Variants in MEGF10 observed in about 807,000 individuals in gnomAD.
MEGF10 encodes multiple EGF like domains 10, also known as multiple epidermal growth factor-like domains protein 10.
Under a neutral mutation model 147.5 loss-of-function variants are expected in MEGF10, and 86 were observed. The observed-to-expected ratio is 0.58, with a 90% CI of 0.49 to 0.70. The LOEUF is 0.70. Ranked by LOEUF, MEGF10 falls within the 30% of genes least tolerant of loss-of-function variation. The pLI, the probability that MEGF10 is intolerant of heterozygous loss-of-function variation, is 0.00. For missense variants in MEGF10, 1,329 were observed against 1,487.3 expected, an observed-to-expected ratio of 0.89 and a Z score of 1.75; for synonymous variants, 478 against 525.5, an observed-to-expected ratio of 0.91 and a Z score of 1.24.
intron 1 of MEGF10, among the ~76,000 whole-genome samples, chr5:127,329,827 A>G (rs1761183478): frequency 6.6e-6 from 1 of 152,208 alleles, no homozygotes. Context: ...ACATAGTATG[A>G]CAATTAAACT....
chr5:127,300,608 TC>T (rs1759724224), intron 1 of MEGF10, among the ~76,000 whole-genome samples: 1 of 152,176 alleles, frequency 6.6e-6, no homozygotes, highest in Admixed American at 6.5e-5. Flanking sequence ...TTTTTTTCTG[TC>T]TGCATTTTAC....
At chr5:127,353,789 G>A (rs1163245508) in intron 4 of MEGF10, among the ~76,000 whole-genome samples, 1 of 152,224 alleles carries the variant, frequency 6.6e-6, no homozygotes, top group Non-Finnish European at 1.5e-5. Flanking sequence ...GTAACTCAAA[G>A]TTCAAGTTCT....
intron 8 of MEGF10, among the ~76,000 whole-genome samples, chr5:127,405,067 A>G (rs1452584065): frequency 6.6e-6 from 1 of 152,100 alleles, no homozygotes. Flanking sequence ...GGATTAAATA[A>G]GTTAGTGTGT....
chr5:127,437,241 C>T (rs949893525), intron 16 of MEGF10, among the ~76,000 whole-genome samples: 1 of 152,222 alleles, frequency 6.6e-6, no homozygotes, highest in African/African-American at 2.4e-5. Context: ...CTGTATTTGT[C>T]TAACAAATAA....
intron 5 of MEGF10, among the ~76,000 whole-genome samples, chr5:127,392,294 T>C (rs1372499526): frequency 6.6e-6 from 1 of 152,194 alleles, no homozygotes; most frequent in African/African-American, 2.4e-5. Flanking sequence ...TTTTGGCTGT[T>C]GCATGTATCA....
chr5:127,441,647 T>C (rs1765760942), intron 18 of MEGF10, among the ~76,000 whole-genome samples: 1 of 152,186 alleles, frequency 6.6e-6, no homozygotes, highest in Non-Finnish European at 1.5e-5. Context: ...AGACCCACTT[T>C]CTTATGATAA....
intron 2 of MEGF10, among the ~76,000 whole-genome samples, chr5:127,332,469 C>T (rs1761300205): frequency 6.6e-6 from 1 of 152,172 alleles, no homozygotes; most frequent in Admixed American, 6.5e-5. Flanking sequence ...CAGAGCCTCT[C>T]AAGCACAGCA....
intron 1 of MEGF10, among the ~76,000 whole-genome samples, chr5:127,307,393 G>C (rs929414065): frequency 1.3e-5 from 2 of 152,214 alleles, no homozygotes; most frequent in Non-Finnish European, 2.9e-5. Context: ...ACTGGCAAAA[G>C]CTATGGCAGA....
intron 1 of MEGF10, among the ~76,000 whole-genome samples, chr5:127,327,738 G>C (rs1448171142): frequency 2.2e-5 from 3 of 137,034 alleles, no homozygotes; most frequent in Admixed American, 7.7e-5. Context: ...TTTTGAGATA[G>C]AGTTTCACTC....
rs1422318 is a variant in MEGF10, at chr5:127,370,228, G to A, written c.412+226G>A. On this transcript the variant is annotated intron_variant, in intron 5 of 24. Transcript: ENST00000503335. ...AGTTCTTGGAAAGAAGGAAATTTCA[G>A]TGATCATACAACAGCTCATACTTCT... 0.25 allele frequency among the ~76,000 whole-genome samples: 38,627 copies of A among 152,114 alleles called. 6,136 individuals carry two copies. Among genetic ancestry groups the A allele is most frequent in the African/African-American group, 0.46 (19,088 of 41,446 alleles).
intron 5 of MEGF10, among the ~76,000 whole-genome samples, chr5:127,379,496 C>T (rs1763170021): frequency 6.6e-6 from 1 of 151,896 alleles, no homozygotes; most frequent in South Asian, 2.1e-4. Flanking sequence ...CTCTGCCCTT[C>T]ATTTATGGAA....
intron 13 of MEGF10, among the ~76,000 whole-genome samples, chr5:127,422,992 C>T (rs1263673178): frequency 6.6e-6 from 1 of 152,152 alleles, no homozygotes; most frequent in Non-Finnish European, 1.5e-5. Context: ...TAAGGTCCAG[C>T]TGTCAAAATT....
intron 15 of MEGF10, 33 bp from the exon 16 acceptor site, chr5:127,435,328 A>AT (rs1765518177): frequency 6.2e-7 from 1 of 1,611,016 alleles, no homozygotes; most frequent in South Asian, 1.1e-5. Context: ...AGGGGTTTTG[A>AT]TTGTGAGTTA....
intron 18 of MEGF10, among the ~76,000 whole-genome samples, chr5:127,441,682 A>C (rs571461944): frequency 6.6e-6 from 1 of 152,240 alleles, no homozygotes; most frequent in Non-Finnish European, 1.5e-5. Context: ...GAAAAGGTGA[A>C]GAACAATTCC....
At chr5:127,246,921 T>A in the MEGF10 span, among the ~76,000 whole-genome samples, 10 of 135,712 alleles carry the variant, frequency 7.4e-5, no homozygotes, top group African/African-American at 2.8e-5. Context: ...TAGTATATAT[T>A]ATACAATAAT....
At position 127,377,704 on chromosome 5, in the gene MEGF10, A is replaced by G. The variant is rs1229747316; in HGVS notation, c.412+7702A>G. ...TTATGAGCCAGAAACATAAGGCACA[A>G]AAAGCTGACATATTTCCTAGCAAAG... On this transcript the variant is annotated intron_variant, in intron 5 of 24. Transcript: ENST00000503335. 2.0e-5 allele frequency among the ~76,000 whole-genome samples: 3 copies of G among 152,232 alleles called. No individual in the cohort carries two copies. In the East Asian group the frequency reaches 5.8e-4, roughly 29 times the overall value.
intron 8 of MEGF10, among the ~76,000 whole-genome samples, chr5:127,407,558 C>T (rs1266710475): frequency 6.6e-6 from 1 of 152,176 alleles, no homozygotes; most frequent in African/African-American, 2.4e-5. Context: ...AAATTGGAAA[C>T]CCCAAATTTC....
At chr5:127,401,355 T>C (rs975446883) in intron 7 of MEGF10, among the ~76,000 whole-genome samples, 1 of 152,212 alleles carries the variant, frequency 6.6e-6, no homozygotes, top group Non-Finnish European at 1.5e-5. Flanking sequence ...TAAGTGCTGA[T>C]TCGAATCATC....
chr5:127,425,531 A>G (rs1268751719), intron 13 of MEGF10, among the ~76,000 whole-genome samples: 3 of 152,160 alleles, frequency 2.0e-5, no homozygotes, highest in Non-Finnish European at 4.4e-5. Context: ...CAATTACAGA[A>G]TACACTTGGT....
Sources: gnomAD v4.1 joint callset for allele counts (sites outside exome capture counted in the v4.1 genomes callset) on GRCh38, gnomAD v4.1.1 for gene constraint, MANE v1.5 for transcripts, NCBI Gene and HGNC (gene_info 2026-07-23, HGNC 2026-07-21) for gene names.